Variants in RNPEP observed in about 807,000 individuals in gnomAD.
The protein encoded by RNPEP is arginyl aminopeptidase.
A neutral mutation model predicts 70.1 loss-of-function variants in RNPEP; 57 were observed. That is an observed-to-expected ratio of 0.81 (90% CI 0.66 to 1.01). The LOEUF is 1.01. Among genes scored for constraint, RNPEP ranks in the 50% least tolerant of loss-of-function variants. RNPEP has a pLI of 0.00. For missense variants in RNPEP, 787 were observed against 852.4 expected (o/e 0.92, Z 0.96); for synonymous variants, 335 against 357.4 (o/e 0.94, Z 0.71).
intron 1 of RNPEP, among the ~76,000 whole-genome samples, chr1:201,986,536 C>CTTTCTTTT (rs1553303391): frequency 5.0e-5 from 4 of 80,596 alleles, no homozygotes; most frequent in African/African-American, 1.4e-4. Flanking sequence ...CATTTTCTTT[C>CTTTCTTTT]TTTTTTTTTT....
At chr1:201,984,415 TTCCAAAGGAAGCAAA>T (rs1033309468) in intron 1 of RNPEP, among the ~76,000 whole-genome samples, 4 of 152,194 alleles carry the variant, frequency 2.6e-5, no homozygotes, top group Admixed American at 1.3e-4. Flanking sequence ...TGATGAGCCT[TTCCAAAGGAAGCAAA>T]TCAGATATGC....
At chr1:202,003,076 C>T (rs1447185958) in intron 8 of RNPEP, 161 bp from the exon 9 acceptor site, 1 of 608,682 alleles carries the variant, frequency 1.6e-6, no homozygotes, top group East Asian at 2.8e-5. Flanking sequence ...ATAACTAGGA[C>T]CCTGCTGGAG....
intron 3 of RNPEP, among the ~76,000 whole-genome samples, chr1:201,994,812 A>G (rs1035676605): frequency 1.4e-5 from 2 of 145,218 alleles, no homozygotes; most frequent in African/African-American, 5.1e-5. Flanking sequence ...GATTACAGGC[A>G]TACACTACCA....
chr1:202,002,805 C>A (rs995624784), intron 8 of RNPEP, among the ~76,000 whole-genome samples: 2 of 152,198 alleles, frequency 1.3e-5, no homozygotes, highest in African/African-American at 2.4e-5. Context: ...GGGCCTATCA[C>A]CCCCACTTTA....
intron 3 of RNPEP, among the ~76,000 whole-genome samples, chr1:201,992,040 C>CTCTT (rs1163304548): frequency 1.3e-5 from 2 of 151,372 alleles, no homozygotes; most frequent in Non-Finnish European, 2.9e-5. Flanking sequence ...CCCTCCCTCC[C>CTCTT]TCTTTCTTTC....
intron 3 of RNPEP, among the ~76,000 whole-genome samples, chr1:201,990,865 T>C (rs1239246488): frequency 3.3e-5 from 5 of 152,176 alleles, no homozygotes; most frequent in African/African-American, 1.2e-4. Context: ...AGGAACGTCG[T>C]TTCCAAGAAT....
intron 9 of RNPEP, 115 bp downstream of exon 9, chr1:202,003,576 G>C: frequency 1.4e-6 from 1 of 724,092 alleles, no homozygotes; most frequent in Non-Finnish European, 2.3e-6. Flanking sequence ...ACGTACACTA[G>C]GGAGGCTGGC....
chr1:201,986,295 A>G (rs954736493), intron 1 of RNPEP, among the ~76,000 whole-genome samples: 13 of 151,834 alleles, frequency 8.6e-5, no homozygotes, highest in South Asian at 4.2e-4. Context: ...GGGTCCCCCT[A>G]TGTTGCCCAG....
intron 3 of RNPEP, among the ~76,000 whole-genome samples, chr1:201,994,167 G>A (rs1287859894): frequency 1.3e-5 from 2 of 152,082 alleles, no homozygotes; most frequent in African/African-American, 4.8e-5. Flanking sequence ...CCTCTGCCCA[G>A]CTCCTTGTGT....
rs1683969780 is a variant in RNPEP at position 202,004,490 on chromosome 1, T to C, written c.1788T>C (p.His596=). 6.2e-7 allele frequency: 1 copy of C among 1,613,486 alleles called. No homozygotes were observed. Among genetic ancestry groups the C allele is most frequent in the Non-Finnish European group, 8.5e-7 (1 of 1,179,994 alleles). ...EDFWKVKEFL[H]NQGKQKYTLP... ...TCTGGAAAGTGAAGGAGTTCCTGCA[T>C]AACCAGGTGGGTGACCCCTGCCTCG... Residue 596 remains histidine (H), a synonymous_variant, in exon 10 of 11, where the codon CAT becomes CAC. Transcript: ENST00000295640.
At chr1:201,998,544 C>A (rs1474466411) in intron 5 of RNPEP, among the ~76,000 whole-genome samples, 1 of 152,132 alleles carries the variant, frequency 6.6e-6, no homozygotes, top group Non-Finnish European at 1.5e-5. Context: ...CTGCGCCCGG[C>A]CCTGAACGTT....
chr1:201,990,376 G>T (rs766372237), intron 3 of RNPEP, among the ~76,000 whole-genome samples: 10 of 152,344 alleles, frequency 6.6e-5, no homozygotes, highest in Admixed American at 2.0e-4. Context: ...AAGTTACATG[G>T]ATCTTGTGAA....
intron 4 of RNPEP, 76 bp from the exon 5 acceptor site, chr1:201,997,243 A>G: frequency 9.2e-7 from 1 of 1,085,574 alleles, no homozygotes; most frequent in Non-Finnish European, 1.4e-6. Context: ...GCTTGGAAAT[A>G]GGCTGGAAAG....
intron 8 of RNPEP, among the ~76,000 whole-genome samples, chr1:202,002,332 T>G (rs1163874652): frequency 6.6e-6 from 1 of 152,100 alleles, no homozygotes; most frequent in African/African-American, 2.4e-5. Flanking sequence ...CCCGGCTATT[T>G]TGTATTTTTA....
chr1:202,004,313 C>G (rs753743313), intron 9 of RNPEP, 41 bp from the exon 10 acceptor site: 1 of 1,610,360 alleles, frequency 6.2e-7, no homozygotes, highest in Non-Finnish European at 8.5e-7. Context: ...CAGGTGTGAC[C>G]CACCGTGACC....
intron 1 of RNPEP, among the ~76,000 whole-genome samples, chr1:201,987,068 C>T (rs1387061316): frequency 1.3e-5 from 2 of 152,154 alleles, no homozygotes; most frequent in Non-Finnish European, 2.9e-5. Flanking sequence ...CCTTATGCCT[C>T]TTAAAATAGG....
intron 1 of RNPEP, among the ~76,000 whole-genome samples, chr1:201,987,498 C>T (rs930747490): frequency 2.1e-5 from 3 of 142,162 alleles, no homozygotes; most frequent in Non-Finnish European, 4.5e-5. Context: ...AGTGCAGTGG[C>T]ATGATCTCAG....
intron 8 of RNPEP, among the ~76,000 whole-genome samples, chr1:202,002,047 C>T (rs1038040031): frequency 2.6e-5 from 4 of 152,184 alleles, no homozygotes; most frequent in African/African-American, 7.2e-5. Flanking sequence ...CCACTGCTGC[C>T]GCACCACTGC....
In RNPEP at chr1:202,004,491, A is replaced by C. The variant is rs750473495; in HGVS notation, c.1789A>C (p.Asn597His). ...DFWKVKEFLH[N>H]QGKQKYTLPL... Reference sequence around the variant, plus strand: ...CTGGAAAGTGAAGGAGTTCCTGCATAACCAGGTGGGTGACCCCTGCCTCGC... The same window carrying C: ...CTGGAAAGTGAAGGAGTTCCTGCATCACCAGGTGGGTGACCCCTGCCTCGC... Residue 597 changes from asparagine (N) to histidine (H), a missense_variant, in exon 10 of 11, where the codon AAC becomes CAC. Transcript: ENST00000295640. 2.4e-5 allele frequency: 38 copies of C among 1,613,538 alleles called. No homozygotes were observed. In the South Asian group the frequency reaches 4.0e-4, roughly 17 times the overall value.
Sources: gnomAD v4.1 joint callset for allele counts (sites outside exome capture counted in the v4.1 genomes callset) on GRCh38, gnomAD v4.1.1 for gene constraint, MANE v1.5 for transcripts, NCBI Gene and HGNC (gene_info 2026-07-23, HGNC 2026-07-21) for gene names.